The following FARS2 variants were observed in gnomAD, a reference collection of about 807,000 sequenced individuals.
FARS2 encodes the protein phenylalanine--tRNA ligase, mitochondrial.
In FARS2, 40 loss-of-function variants were observed where a neutral mutation model predicts 46.4. That is an observed-to-expected ratio of 0.86 (90% CI 0.67 to 1.12). FARS2 has a LOEUF of 1.12. Among genes scored for constraint, FARS2 ranks in the 50% most tolerant of loss-of-function variants. The probability of loss-of-function intolerance (pLI) is 0.00; values close to 1 mark genes in which losing one functional copy is unlikely to be tolerated. For synonymous variants in FARS2, 234 were observed against 214.9 expected (o/e 1.09, Z -0.78); for missense variants, 513 against 567.9 (o/e 0.90, Z 0.98).
rs181011554 is a variant in FARS2, at chr6:5,683,198, G to A, written c.1217+69878G>A. Among the ~76,000 whole-genome samples the A allele has an allele frequency of 4.2e-3, 639 of 152,308 alleles. 3 individuals are homozygous for A. The highest frequency in any genetic ancestry group is 7.0e-3 in the Non-Finnish European group (475 of 68,020). ...AGAGGGCTGTTAGAGGCTTTCAGCC[G>A]TCTGGGTGGCCTGGACTGGGAGGGC... On this transcript the variant is annotated intron_variant, in intron 6 of 6. Transcript: ENST00000274680.
intron 5 of FARS2, among the ~76,000 whole-genome samples, chr6:5,554,146 CTCCT>C (rs1042531507): frequency 3.9e-5 from 6 of 152,182 alleles, no homozygotes; most frequent in African/African-American, 1.4e-4. Flanking sequence ...ACCGCTGAAA[CTCCT>C]TCCTTCCTTT....
At chr6:5,456,730 C>CAAAAAA (rs11393453) in intron 4 of FARS2, among the ~76,000 whole-genome samples, 27,303 of 69,236 alleles carry the variant, frequency 0.39, 6,299 homozygotes, top group East Asian at 0.56. Context: ...GACTCCATCT[C>CAAAAAA]AAAAAAAAAA....
chr6:5,470,465 A>G (rs1413661424), intron 4 of FARS2, among the ~76,000 whole-genome samples: 3 of 151,238 alleles, frequency 2.0e-5, no homozygotes, highest in Non-Finnish European at 4.4e-5. Flanking sequence ...ACACTACCCA[A>G]TTTCAGCTCT....
Position 5,359,029 on chromosome 6 carries a change from C to CTTTTTTT in FARS2, c.-21-9521_-21-9520insTTTTTTT, listed in dbSNP as rs764897456. 3.5e-3 allele frequency among the ~76,000 whole-genome samples: 255 copies of CTTTTTTT among 72,534 alleles called. 112 individuals are homozygous for CTTTTTTT. Among genetic ancestry groups the CTTTTTTT allele is most frequent in the South Asian group, 5.4e-3 (8 of 1,494 alleles). 47.6% of individuals were successfully genotyped at this position (72,534 alleles called of 152,430 possible). On this transcript the variant is annotated intron_variant, in intron 1 of 6. Coordinates refer to ENST00000274680, the MANE Select transcript of FARS2 (RefSeq NM_006567.5). The stretch of plus-strand genomic sequence containing the variant: ...TCGAATTATAGTGATGAAAAGATAC[C>CTTTTTTT]CTTTTTTTTTTTTTTTTTTTTTTTT...
chr6:5,394,558 T>C (rs1760777834), intron 2 of FARS2, among the ~76,000 whole-genome samples: 1 of 152,192 alleles, frequency 6.6e-6, no homozygotes, highest in South Asian at 2.1e-4. Context: ...TACATATATG[T>C]ACATATAAAA....
In FARS2 at chr6:5,311,448, T is replaced by C. The variant is rs2127548546; in HGVS notation, c.-22+49788T>C. On this transcript the variant is annotated intron_variant, in intron 1 of 6. Transcript: ENST00000274680. This position sits in a 1 kb window ranked among gnomAD's most constrained non-coding sequence, Gnocchi z 4.1. ...CATTTGGCATGTTTTATTATTCTCA[T>C]TATTTTTAACTCAACAGTTATCTGA... Among the ~76,000 whole-genome samples the C allele has an allele frequency of 6.6e-6, 1 of 152,360 alleles. No individual in the cohort carries two copies. The highest frequency in any genetic ancestry group is 2.4e-5 in the African/African-American group (1 of 41,584).
intron 6 of FARS2, among the ~76,000 whole-genome samples, chr6:5,693,796 A>G (rs185154407): frequency 1.3e-3 from 200 of 152,236 alleles, no homozygotes; most frequent in Non-Finnish European, 1.8e-3. Flanking sequence ...TGATGGCTGG[A>G]GAACATTTCA....
In FARS2 at chr6:5,404,646, A is replaced by G; in HGVS notation, c.717A>G (p.Val239=). 1.9e-6 allele frequency: 3 copies of G among 1,611,988 alleles called. No homozygotes were observed. Among genetic ancestry groups the G allele is most frequent in the Non-Finnish European group, 1.7e-6 (2 of 1,178,796 alleles). Residue 239 remains valine, a synonymous_variant, in exon 3 of 7, where the codon GTA becomes GTG. Coordinates refer to ENST00000274680, the MANE Select transcript of FARS2 (RefSeq NM_006567.5). ...ETHTMEAVKL[V]EFDLKQTLTR... is the part of the protein sequence containing the mutation. Reference sequence around the variant, plus strand: ...ACACCATGGAGGCCGTGAAGCTTGTAGAGTTTGATCTTAAGCAAACGCTTA... The same window carrying G: ...ACACCATGGAGGCCGTGAAGCTTGTGGAGTTTGATCTTAAGCAAACGCTTA...
Position 5,466,585 on chromosome 6 carries a change from G to A in FARS2, c.904+35413G>A, listed in dbSNP as rs1230734459. 4.1e-6 allele frequency: 4 copies of A among 985,330 alleles called. No homozygotes were observed. In the African/African-American group the frequency reaches 5.2e-5, roughly 13 times the overall value. 61.0% of individuals were successfully genotyped at this position (985,330 alleles called of 1,614,324 possible). ...CTTGTTTCAGTTTCACATCAACCCA[G>A]AGGATATGAGACTTCATAATGGTCC... On this transcript the variant is annotated intron_variant, in intron 4 of 6. Coordinates refer to ENST00000274680, the MANE Select transcript of FARS2 (RefSeq NM_006567.5).
At chr6:5,397,466 T>C (rs896581369) in intron 2 of FARS2, among the ~76,000 whole-genome samples, 4 of 152,204 alleles carry the variant, frequency 2.6e-5, no homozygotes, top group African/African-American at 9.7e-5. Context: ...AATGTGTCAG[T>C]GTAAGTCCAT....
intron 2 of FARS2, among the ~76,000 whole-genome samples, chr6:5,381,546 A>G (rs962388390): frequency 3.9e-5 from 6 of 152,186 alleles, no homozygotes; most frequent in Non-Finnish European, 8.8e-5. Context: ...TGCTTTTAAT[A>G]GGTAATTCCC....
chr6:5,565,917 G>C (rs1772296190), intron 5 of FARS2, among the ~76,000 whole-genome samples: 1 of 152,108 alleles, frequency 6.6e-6, no homozygotes, highest in Non-Finnish European at 1.5e-5. Context: ...TTTTACCCTT[G>C]CATTAGTTTA....
At chr6:5,617,968 A>G (rs781421414) in intron 6 of FARS2, among the ~76,000 whole-genome samples, 4 of 152,368 alleles carry the variant, frequency 2.6e-5, no homozygotes, top group East Asian at 1.9e-4. Flanking sequence ...GTGATCCTCA[A>G]TAAGTATCTA....
intron 6 of FARS2, among the ~76,000 whole-genome samples, chr6:5,626,439 A>G (rs567897594): frequency 6.6e-6 from 1 of 152,246 alleles, no homozygotes; most frequent in East Asian, 1.9e-4. Context: ...TTGGGCCCCC[A>G]GGGGACACCA....
chr6:5,571,433 A>G (rs949133478), intron 5 of FARS2, among the ~76,000 whole-genome samples: 3 of 152,350 alleles, frequency 2.0e-5, no homozygotes, highest in African/African-American at 4.8e-5. Flanking sequence ...AGCCTCACCA[A>G]CGCACGTGGA....
intron 6 of FARS2, among the ~76,000 whole-genome samples, chr6:5,616,401 A>G (rs952751826): frequency 1.4e-4 from 22 of 152,228 alleles, no homozygotes; most frequent in African/African-American, 5.3e-4. Flanking sequence ...GATATGCCAA[A>G]GGCATGTGAC....
chr6:5,323,484 C>T, intron 1 of FARS2, among the ~76,000 whole-genome samples: 1 of 152,216 alleles, frequency 6.6e-6, no homozygotes, highest in Non-Finnish European at 1.5e-5. Context: ...CCTCCTACTG[C>T]TTTCCTTGTA....
chr6:5,256,491 G>GA (rs1161084364), upstream of FARS2, among the ~76,000 whole-genome samples: 2 of 43,860 alleles, frequency 4.6e-5, no homozygotes, highest in Non-Finnish European at 7.3e-5. Context: ...ATTTCAACTG[G>GA]AAAAAAAAAA....
intron 6 of FARS2, among the ~76,000 whole-genome samples, chr6:5,614,678 C>T (rs999645949): frequency 1.3e-5 from 2 of 152,196 alleles, no homozygotes; most frequent in Admixed American, 6.5e-5. Flanking sequence ...TGATTACAGG[C>T]GTGAGCCATC....
Sources: gnomAD v4.1 joint callset for allele counts (sites outside exome capture counted in the v4.1 genomes callset) on GRCh38, gnomAD v4.1.1 for gene constraint, Gnocchi (gnomAD v3.1) non-coding constraint, MANE v1.5 for transcripts, NCBI Gene and HGNC (gene_info 2026-07-23, HGNC 2026-07-21) for gene names.